Variants in EPN3 observed in about 807,000 individuals in gnomAD.
EPN3 encodes the protein epsin 3, also known as epsin-3.
Under a neutral mutation model 55.5 loss-of-function variants are expected in EPN3, and 56 were observed. That is an observed-to-expected ratio of 1.01 (90% confidence interval 0.81 to 1.26). The LOEUF (loss-of-function observed/expected upper bound fraction) is 1.26, where lower values mean the gene tolerates loss of function less well. EPN3 is among the 50% of genes most tolerant of loss of function. The pLI is 0.00. For synonymous variants in EPN3, 449 were observed against 375.2 expected (o/e 1.20, Z -2.27); for missense variants, 927 against 853.4 (o/e 1.09, Z -1.07).
chr17:50,537,970 C>T (rs1268911125), intron 2 of EPN3, 109 bp from the exon 3 acceptor site: 15 of 927,686 alleles, frequency 1.6e-5, no homozygotes, highest in East Asian at 9.9e-5. Context: ...CCTCAACGGC[C>T]GTTGTTCCCC....
rs756299182 is a variant in EPN3 at position 50,539,191 on chromosome 17, T to C, written c.767T>C (p.Val256Ala). 8.1e-6 allele frequency: 13 copies of C among 1,613,798 alleles called. No individual in the cohort carries two copies. Among genetic ancestry groups the C allele is most frequent in the South Asian group, 1.1e-5 (1 of 91,056 alleles). Residue 256 changes from valine to alanine, a missense_variant, in exon 5 of 10, where the codon GTG becomes GCG. Coordinates refer to ENST00000268933, the MANE Select transcript of EPN3 (RefSeq NM_017957.3). The part of the protein sequence containing the change: ...RLSRQEHEKE[V>A]RSWQGDGSPM... Reference sequence around the variant, plus strand: ...CTCTTTCTGTGCCTTCTGCAGGAGGTGAGGTCCTGGCAGGGTGATGGCTCC... The same window carrying C: ...CTCTTTCTGTGCCTTCTGCAGGAGGCGAGGTCCTGGCAGGGTGATGGCTCC...
chr17:50,540,143 G>A (rs1296013096), intron 5 of EPN3, 104 bp from the exon 6 acceptor site: 2 of 810,244 alleles, frequency 2.5e-6, no homozygotes, highest in Non-Finnish European at 4.1e-6. Flanking sequence ...GGTATCTGTG[G>A]AATGAATAAA....
chr17:50,538,316 G>A (rs1597861832), intron 3 of EPN3, 119 bp downstream of exon 3: 1 of 695,372 alleles, frequency 1.4e-6, no homozygotes, highest in Non-Finnish European at 2.4e-6. Context: ...TGTGCCCAAG[G>A]ACAGCACAAG....
chr17:50,538,146 G>C lies in EPN3; in HGVS notation c.630G>C (p.Glu210Asp). The change falls in exon 3 of 10, where the codon GAG (glutamate) becomes GAC (aspartate). Residue 210 changes from glutamate (E) to aspartate (D), a missense_variant. Physicochemically the swap from Glu to Asp is conservative, Grantham distance 45. Transcript: ENST00000268933. Reference sequence around the variant, plus strand: ...CCCGGCCTCAGACGTCAGGGGAAGAGGAACTGCAGCTGCAGCTGGCCCTCG... The same window carrying C: ...CCCGGCCTCAGACGTCAGGGGAAGACGAACTGCAGCTGCAGCTGGCCCTCG... ...EQARPQTSGE[E>D]ELQLQLALAM... is the part of the protein sequence containing the mutation. The C allele has an allele frequency of 6.2e-7, 1 of 1,613,766 alleles. No individual in the cohort carries two copies. Among genetic ancestry groups the C allele is most frequent in the Non-Finnish European group, 8.5e-7 (1 of 1,180,008 alleles).
chr17:50,541,762 C>A (rs2144040438), intron 9 of EPN3, 68 bp downstream of exon 9: 2 of 1,605,290 alleles, frequency 1.2e-6, no homozygotes, highest in East Asian at 4.5e-5. Context: ...GCCGGAGGAG[C>A]CCACTCTTCT....
Position 50,541,057 on chromosome 17 carries a change from C to T in EPN3, c.1244C>T (p.Thr415Ile), listed in dbSNP as rs151057783. 811 of 1,576,880 alleles carry T rather than the reference C, an allele frequency of 5.1e-4. No individual in the cohort carries two copies. The highest frequency in any genetic ancestry group is 6.5e-4 in the Non-Finnish European group (752 of 1,162,554). The change falls in exon 7 of 10, where the codon ACA (threonine) becomes ATA (isoleucine). Residue 415 changes from threonine to isoleucine, a missense_variant. Physicochemically the swap from Thr to Ile is moderately conservative, Grantham distance 89. Coordinates refer to ENST00000268933, the MANE Select transcript of EPN3 (RefSeq NM_017957.3). ...PWGASLETSD[T>I]PGGASTFDPF... ...GGAGCCTCCCTGGAGACCTCCGACA[C>T]ACCTGGTAAGAAGAGGGCCAGAGAG...
At position 50,540,253 on chromosome 17, in the gene EPN3, A is replaced by G. The variant is rs745667426; in HGVS notation, c.898A>G (p.Ile300Val). ...EEKLKTSQSS[I>V]LDLADIFVPA... The stretch of plus-strand genomic sequence containing the variant: ...CTGCCTCTCCCCTCCACAGTCCTCC[A>G]TCCTGGACTTGGCTGACATCTTCGT... The change falls in exon 6 of 10, where the codon ATC (isoleucine) becomes GTC (valine). Residue 300 changes from isoleucine to valine, a missense_variant. By Grantham distance (29) the Ile-to-Val change is conservative. Transcript: ENST00000268933. The G allele has an allele frequency of 6.2e-7, 1 of 1,612,220 alleles. No individual in the cohort carries two copies. Among genetic ancestry groups the G allele is most frequent in the South Asian group, 1.1e-5 (1 of 91,068 alleles).
At chr17:50,537,904 A>C in intron 2 of EPN3, 175 bp from the exon 3 acceptor site, 1 of 574,520 alleles carries the variant, frequency 1.7e-6, no homozygotes, top group Non-Finnish European at 3.1e-6. Context: ...TCCATCCGGG[A>C]TGGGTTGGGA....
chr17:50,538,156 C>T lies in EPN3; in HGVS notation c.640C>T (p.Leu214=). The change falls in exon 3 of 10, where the codon CTG becomes TTG. Residue 214 remains leucine, a synonymous_variant. Transcript: ENST00000268933. The part of the protein sequence containing the change: ...PQTSGEEELQ[L]QLALAMSREE... ...GACGTCAGGGGAAGAGGAACTGCAG[C>T]TGCAGCTGGCCCTCGCCATGAGCCG... 1 of 1,613,520 alleles carries T rather than the reference C, an allele frequency of 6.2e-7. No individual in the cohort carries two copies. The highest frequency in any genetic ancestry group is 8.5e-7 in the Non-Finnish European group (1 of 1,180,024).
chr17:50,538,178 G>C lies in EPN3; in HGVS notation c.662G>C (p.Ser221Thr), dbSNP rs1208770329. 3 of 1,611,794 alleles carry C rather than the reference G, an allele frequency of 1.9e-6. No homozygotes were observed. The African/African-American group carries it at 4.0e-5, about 22-fold the overall frequency. ...CAGCTGCAGCTGGCCCTCGCCATGA[G>C]CCGTGAGGAGGCAGAGAAGGTGAGG... ...ELQLQLALAM[S>T]REEAEKPVPP... Residue 221 changes from serine (S) to threonine (T), a missense_variant, in exon 3 of 10, where the codon AGC becomes ACC. By Grantham distance (58) the Ser-to-Thr change is moderately conservative (BLOSUM62 1). Transcript: ENST00000268933.
At position 50,536,976 on chromosome 17, in the gene EPN3, G is replaced by A; in HGVS notation, c.420G>A (p.Leu140=). The change falls in exon 2 of 10, where the codon CTG becomes CTA. Residue 140 remains leucine, a synonymous_variant. Transcript: ENST00000268933. ...VMALLKDEER[L]RQERTHALKT... The stretch of plus-strand genomic sequence containing the variant: ...CCCTGCTCAAGGATGAGGAGCGGCT[G>A]CGGCAGGAGCGAACCCACGCCCTCA... 5 of 1,613,846 alleles carry A rather than the reference G, an allele frequency of 3.1e-6. No homozygotes were observed. Among genetic ancestry groups the A allele is most frequent in the Non-Finnish European group, 4.2e-6 (5 of 1,180,008 alleles).
chr17:50,541,966 C>A lies in EPN3; in HGVS notation c.1708C>A (p.Leu570Met). Residue 570 changes from leucine to methionine, a missense_variant, in exon 10 of 10, where the codon CTG becomes ATG. Physicochemically the swap from Leu to Met is conservative, Grantham distance 15. Transcript: ENST00000268933. The stretch of plus-strand genomic sequence containing the variant: ...GGCAGGCGGGCCTGTGGGGGCGCCC[C>A]TGGGCTCCATGACCTACAGCGCCTC... ...GLAGGPVGAPLGSMTYSASLP... is the reference protein window; with the variant it reads ...GLAGGPVGAPMGSMTYSASLP... 1.3e-6 allele frequency: 2 copies of A among 1,596,792 alleles called. No individual in the cohort carries two copies. The highest frequency in any genetic ancestry group is 1.7e-6 in the Non-Finnish European group (2 of 1,177,858).
intron 6 of EPN3, 124 bp from the exon 7 acceptor site, chr17:50,540,669 T>A: frequency 7.6e-7 from 1 of 1,312,320 alleles, no homozygotes; most frequent in Non-Finnish European, 1.0e-6. Context: ...TGGGTGGTCC[T>A]GAGGCTGCAG....
chr17:50,536,387 T>C lies in EPN3; in HGVS notation c.-136-34T>C, dbSNP rs561721262. ...GGCTGAGTGACCCATGAGGTAGGCC[T>C]CTGCCCCTGAGTTCCTGGCCCTCTC... On this transcript the variant is annotated intron_variant, in intron 1 of 9. Coordinates refer to ENST00000268933, the MANE Select transcript of EPN3 (RefSeq NM_017957.3). 1.2e-3 allele frequency: 1,724 copies of C among 1,446,500 alleles called. 3 individuals are homozygous for C. The highest frequency in any genetic ancestry group is 1.5e-3 in the Non-Finnish European group (1,671 of 1,105,762). The allele number at this position is 1,446,500 out of a possible 1,614,324, so 89.6% of individuals were successfully genotyped here. A position where few individuals can be genotyped will look rare whatever the true frequency, so the allele number is the denominator to read the frequency against.
chr17:50,534,013 G>A (rs998020038), intron 1 of EPN3, among the ~76,000 whole-genome samples: 9 of 152,216 alleles, frequency 5.9e-5, no homozygotes, highest in African/African-American at 2.2e-4. Context: ...CCCTTTGCTT[G>A]TAACACTGCT....
Position 50,541,080 on chromosome 17 carries a change from G to C in EPN3, c.1249+18G>C, listed in dbSNP as rs575406318. 9.8e-5 allele frequency: 154 copies of C among 1,570,342 alleles called. No individual in the cohort carries two copies. Among genetic ancestry groups the C allele is most frequent in the South Asian group, 1.9e-4 (16 of 85,186 alleles). ...CACACCTGGTAAGAAGAGGGCCAGA[G>C]AGTGTGAGTGAGGAGCTGGGGGACT... On this transcript the variant is annotated intron_variant, in intron 7 of 9. Transcript: ENST00000268933.
In EPN3 at chr17:50,540,244, C is replaced by A. The variant is rs778563511; in HGVS notation, c.892-3C>A. ...GAGCCGCGGCTGCCTCTCCCCTCCA[C>A]AGTCCTCCATCCTGGACTTGGCTGA... On this transcript the variant is annotated splice_region_variant and splice_polypyrimidine_tract_variant and intron_variant, in intron 5 of 9. Coordinates refer to ENST00000268933, the MANE Select transcript of EPN3 (RefSeq NM_017957.3). 6.2e-7 allele frequency: 1 copy of A among 1,611,838 alleles called. No homozygotes were observed. The highest frequency in any genetic ancestry group is 8.5e-7 in the Non-Finnish European group (1 of 1,179,876).
At chr17:50,537,884 G>C in intron 2 of EPN3, 195 bp from the exon 3 acceptor site, 1 of 567,444 alleles carries the variant, frequency 1.8e-6, no homozygotes, top group Non-Finnish European at 3.1e-6. Context: ...GGAGGGACTG[G>C]AGCCGCCCCT....
intron 5 of EPN3, 69 bp from the exon 6 acceptor site, chr17:50,540,178 C>T: frequency 1.6e-6 from 2 of 1,230,174 alleles, no homozygotes; most frequent in Non-Finnish European, 2.4e-6. Context: ...ATTAGCCTGA[C>T]AGGTCAGGGC....
Sources: gnomAD v4.1 joint callset for allele counts (sites outside exome capture counted in the v4.1 genomes callset) on GRCh38, gnomAD v4.1.1 for gene constraint, MANE v1.5 for transcripts, NCBI Gene and HGNC (gene_info 2026-07-23, HGNC 2026-07-21) for gene names.